The following PTPRM variants were observed in gnomAD, a reference collection of about 807,000 sequenced individuals.
PTPRM encodes the protein protein tyrosine phosphatase receptor type M, also known as receptor-type tyrosine-protein phosphatase mu.
A neutral mutation model predicts 186.7 loss-of-function variants in PTPRM; 47 were observed. That is an observed-to-expected ratio of 0.25 (90% confidence interval 0.20 to 0.32). PTPRM has a LOEUF of 0.32. PTPRM is among the 10% of genes least tolerant of loss of function. PTPRM has a pLI of 1.00. For synonymous variants in PTPRM, 668 were observed against 674.9 expected (o/e 0.99, Z 0.16); for missense variants, 1,494 against 1,865.0 (o/e 0.80, Z 3.66).
At chr18:8,158,774 C>T (rs1382246663) in intron 14 of PTPRM, among the ~76,000 whole-genome samples, 1 of 152,200 alleles carries the variant, frequency 6.6e-6, no homozygotes, top group Admixed American at 6.5e-5. Flanking sequence ...AAAGCACAAG[C>T]AGGCGTGTCC....
intron 14 of PTPRM, among the ~76,000 whole-genome samples, chr18:8,146,328 C>T (rs961510453): frequency 3.9e-5 from 6 of 151,966 alleles, no homozygotes; most frequent in African/African-American, 1.2e-4. Flanking sequence ...GCCTTCCTGA[C>T]TTTTAATGAT....
intron 9 of PTPRM, among the ~76,000 whole-genome samples, chr18:8,081,357 A>G (rs950728037): frequency 2.6e-5 from 4 of 152,204 alleles, no homozygotes; most frequent in African/African-American, 4.8e-5. Context: ...GGCACCTCCC[A>G]TAAAATTACT....
intron 2 of PTPRM, among the ~76,000 whole-genome samples, chr18:7,855,269 A>G (rs1049783096): frequency 1.3e-5 from 2 of 152,198 alleles, no homozygotes; most frequent in African/African-American, 2.4e-5. Flanking sequence ...ATTATGTGAC[A>G]TACTGGCATG....
intron 14 of PTPRM, among the ~76,000 whole-genome samples, chr18:8,238,763 G>A (rs1308418485): frequency 6.7e-6 from 1 of 150,060 alleles, no homozygotes; most frequent in Non-Finnish European, 1.5e-5. Context: ...GGTGTGGGGG[G>A]AGGGGAGGCA....
rs567728091 is a variant in PTPRM at position 8,217,166 on chromosome 18, G to A, written c.2301-26892G>A. On this transcript the variant is annotated intron_variant, in intron 14 of 32. Coordinates refer to ENST00000580170, the MANE Select transcript of PTPRM (RefSeq NM_001105244.2). ...GCTTGTCATTTTCTAAAGTGAATCA[G>A]TTTATCTTTGGTTTAGCCTGAAATT... Among the ~76,000 whole-genome samples, 72 of 152,304 alleles carry A rather than the reference G, an allele frequency of 4.7e-4. No homozygotes were observed. The South Asian group carries it at 9.9e-3, about 21-fold the overall frequency.
chr18:8,017,009 T>C (rs2084910775), intron 7 of PTPRM, among the ~76,000 whole-genome samples: 1 of 152,224 alleles, frequency 6.6e-6, no homozygotes, highest in African/African-American at 2.4e-5. Context: ...TGCATGTTCA[T>C]TATATAAACC....
chr18:7,632,229 G>A (rs536271002), intron 1 of PTPRM, among the ~76,000 whole-genome samples: 1 of 152,294 alleles, frequency 6.6e-6, no homozygotes, highest in African/African-American at 2.4e-5. Context: ...AGACCATGGT[G>A]TTTTTCTGGA....
chr18:7,853,314 T>C (rs189734777), intron 2 of PTPRM, among the ~76,000 whole-genome samples: 484 of 152,362 alleles, frequency 3.2e-3, no homozygotes, highest in Non-Finnish European at 4.4e-3. Flanking sequence ...TGAGGAAGTG[T>C]AAATGTAGGG....
rs1239585804 is a variant in PTPRM at position 8,168,288 on chromosome 18, TG to T, written c.2300+24511del. ...AATCTTAGTTTTATACCAAACCATT[TG>T]GTTTTCACATTAAACCTTGCAGCTC... On this transcript the variant is annotated intron_variant, in intron 14 of 32. Coordinates refer to ENST00000580170, the MANE Select transcript of PTPRM (RefSeq NM_001105244.2). Among the ~76,000 whole-genome samples, 9 of 152,358 alleles carry T rather than the reference TG, an allele frequency of 5.9e-5. No homozygotes were observed. In the South Asian group the frequency reaches 1.9e-3, roughly 32 times the overall value.
At chr18:7,733,682 G>A (rs2040708445) in intron 1 of PTPRM, among the ~76,000 whole-genome samples, 1 of 152,154 alleles carries the variant, frequency 6.6e-6, no homozygotes, top group Admixed American at 6.5e-5. Flanking sequence ...TAAGCAAAAG[G>A]AATGCTCTCA....
chr18:8,055,309 A>G (rs1308023307), intron 7 of PTPRM, among the ~76,000 whole-genome samples: 1 of 151,660 alleles, frequency 6.6e-6, no homozygotes, highest in Non-Finnish European at 1.5e-5. Flanking sequence ...CTTATTTTCT[A>G]TTATGTTCCT....
chr18:7,753,489 G>A (rs368074731), intron 1 of PTPRM, among the ~76,000 whole-genome samples: 5 of 152,090 alleles, frequency 3.3e-5, no homozygotes, highest in Admixed American at 2.6e-4. Context: ...TTTCTTTCTC[G>A]AAGCCTTAGT....
chr18:7,961,188 G>C (rs1001207420), intron 7 of PTPRM, among the ~76,000 whole-genome samples: 2 of 152,066 alleles, frequency 1.3e-5, no homozygotes, highest in Admixed American at 1.3e-4. Context: ...ATTGACTCTT[G>C]TCACCCTATT....
chr18:8,032,471 A>T (rs979746335), intron 7 of PTPRM, among the ~76,000 whole-genome samples: 1 of 152,202 alleles, frequency 6.6e-6, no homozygotes, highest in Non-Finnish European at 1.5e-5. Flanking sequence ...TACCTAGGAT[A>T]AAATCTAACT....
chr18:8,014,802 A>G (rs2084756794), intron 7 of PTPRM, among the ~76,000 whole-genome samples: 2 of 152,182 alleles, frequency 1.3e-5, no homozygotes, highest in African/African-American at 4.8e-5. Flanking sequence ...AAAAATTGTG[A>G]TGAAAAACCA....
At chr18:7,875,611 T>C (rs1382056041) in intron 2 of PTPRM, among the ~76,000 whole-genome samples, 1 of 152,216 alleles carries the variant, frequency 6.6e-6, no homozygotes, top group African/African-American at 2.4e-5. Context: ...GGCGTGAGCC[T>C]CTGTGCCCGG....
intron 24 of PTPRM, among the ~76,000 whole-genome samples, chr18:8,374,459 A>G (rs1568855691): frequency 6.6e-6 from 1 of 152,180 alleles, no homozygotes; most frequent in Non-Finnish European, 1.5e-5. Context: ...GATCACTCCT[A>G]TGTGGGTCAT....
intron 19 of PTPRM, among the ~76,000 whole-genome samples, chr18:8,283,490 AC>A (rs2094925542): frequency 6.6e-6 from 1 of 152,192 alleles, no homozygotes. Flanking sequence ...AACTGTAATG[AC>A]AAAATGAGGC....
intron 14 of PTPRM, among the ~76,000 whole-genome samples, chr18:8,148,546 C>T (rs984614277): frequency 1.3e-5 from 2 of 151,906 alleles, no homozygotes; most frequent in Admixed American, 6.6e-5. Flanking sequence ...TTCTTTTCTT[C>T]GTTATTAGTC....
Sources: allele counts gnomAD v4.1 joint callset (sites outside exome capture counted in the v4.1 genomes callset), GRCh38; gene constraint gnomAD v4.1.1; transcripts MANE v1.5; gene names NCBI Gene and HGNC (gene_info 2026-07-23, HGNC 2026-07-21).